Variants in ATP6V1C2 observed in about 807,000 individuals in gnomAD.
ATP6V1C2 encodes the protein V-type proton ATPase subunit C 2.
ATP6V1C2 carries 45 observed loss-of-function variants against 56.8 expected under a neutral mutation model. The ratio of observed to expected loss-of-function variants is 0.79; its 90% CI spans 0.62 to 1.02. ATP6V1C2 has a LOEUF of 1.02. Among genes scored for constraint, ATP6V1C2 ranks in the 50% least tolerant of loss-of-function variants. The probability of loss-of-function intolerance (pLI) is 0.00; values close to 1 mark genes in which losing one functional copy is unlikely to be tolerated. For synonymous variants in ATP6V1C2, 220 were observed against 201.3 expected (o/e 1.09, Z -0.79); for missense variants, 463 against 519.7 (o/e 0.89, Z 1.06).
At chr2:10,768,833 A>G in intron 6 of ATP6V1C2, 23 bp downstream of exon 6, 1 of 1,592,860 alleles carries the variant, frequency 6.3e-7, no homozygotes, top group Non-Finnish European at 8.6e-7. Flanking sequence ...CAGCCTCCAC[A>G]TCTGGCGGGG....
rs191873424 is a variant in ATP6V1C2, at chr2:10,754,161, G to A, written c.283+95G>A. On this transcript the variant is annotated intron_variant, in intron 4 of 13. Coordinates refer to ENST00000272238, the MANE Select transcript of ATP6V1C2 (RefSeq NM_001039362.2). Reference sequence around the variant, plus strand: ...GTGGCCACACAGCAATCACCGAGATGGCCCAGGTCTCAGTGGATGCTCTGG... The same window carrying A: ...GTGGCCACACAGCAATCACCGAGATAGCCCAGGTCTCAGTGGATGCTCTGG... 337 of 1,021,632 alleles carry A rather than the reference G, an allele frequency of 3.3e-4. 1 individual carries two copies. The African/African-American group carries it at 4.2e-3, about 13-fold the overall frequency. The allele number at this position is 1,021,632 out of a possible 1,614,324, so 63.3% of individuals were successfully genotyped here.
rs529705852 is a variant in ATP6V1C2, at chr2:10,749,376, C to T, written c.198-4605C>T. On this transcript the variant is annotated intron_variant, in intron 3 of 13. Transcript: ENST00000272238. ...AATGAACAAGCCAGTAAAAAGCCGG[C>T]AAAATATATGAACATGCTATCCACA... Among the ~76,000 whole-genome samples, 121 of 151,978 alleles carry T rather than the reference C, an allele frequency of 8.0e-4. 1 individual carries two copies. The highest frequency in any genetic ancestry group is 2.8e-3 in the African/African-American group (114 of 41,414).
rs1051125995 is a variant in ATP6V1C2, at chr2:10,784,838, C to T, written c.*1575C>T. Reference sequence around the variant, plus strand: ...CCCACGGGTGCACCAGGGCTGAGGTCTGATGGGAAGGACTTGACTCCAGGT... The same window carrying T: ...CCCACGGGTGCACCAGGGCTGAGGTTTGATGGGAAGGACTTGACTCCAGGT... On this transcript the variant is annotated 3_prime_UTR_variant, in exon 14 of 14. Coordinates refer to ENST00000272238, the MANE Select transcript of ATP6V1C2 (RefSeq NM_001039362.2). 4.5e-6 allele frequency: 4 copies of T among 893,092 alleles called. No individual in the cohort carries two copies. In the African/African-American group the frequency reaches 6.6e-5, roughly 15 times the overall value. 55.3% of individuals were successfully genotyped at this position (893,092 alleles called of 1,614,324 possible). A position where few individuals can be genotyped will look rare whatever the true frequency, so the allele number is the denominator to read the frequency against.
At chr2:10,771,799 G>A (rs1484074698) in intron 6 of ATP6V1C2, 40 bp from the exon 7 acceptor site, 3 of 1,527,052 alleles carry the variant, frequency 2.0e-6, no homozygotes, top group Admixed American at 1.7e-5. Context: ...GTCCCTTTCT[G>A]CTCACATCTT....
intron 2 of ATP6V1C2, among the ~76,000 whole-genome samples, chr2:10,723,576 C>T (rs1208250840): frequency 2.6e-5 from 4 of 151,896 alleles, no homozygotes; most frequent in African/African-American, 9.7e-5. Context: ...CGGTGGCTCA[C>T]GCCTGTAATC....
chr2:10,760,823 C>T (rs1292030056), intron 4 of ATP6V1C2, among the ~76,000 whole-genome samples: 2 of 152,208 alleles, frequency 1.3e-5, no homozygotes, highest in Non-Finnish European at 2.9e-5. Context: ...GGTCTGAATG[C>T]CATGAAGACC....
intron 4 of ATP6V1C2, among the ~76,000 whole-genome samples, chr2:10,758,132 G>A (rs972082646): frequency 6.6e-6 from 1 of 152,096 alleles, no homozygotes; most frequent in African/African-American, 2.4e-5. Flanking sequence ...TGACCAAGCG[G>A]GTCTGATTTC....
chr2:10,775,426 C>T (rs751552146), intron 10 of ATP6V1C2, among the ~76,000 whole-genome samples: 3 of 152,186 alleles, frequency 2.0e-5, no homozygotes, highest in African/African-American at 4.8e-5. Context: ...GAGGACCCTG[C>T]CAGGCCTTCC....
At chr2:10,755,443 A>G (rs1663498010) in intron 4 of ATP6V1C2, among the ~76,000 whole-genome samples, 1 of 152,146 alleles carries the variant, frequency 6.6e-6, no homozygotes, top group Non-Finnish European at 1.5e-5. Flanking sequence ...TGGCCTCCCA[A>G]AGTGCTGGGA....
At chr2:10,779,685 TA>T (rs202060754) in intron 12 of ATP6V1C2, among the ~76,000 whole-genome samples, 6,233 of 87,030 alleles carry the variant, frequency 0.072, 272 homozygotes, top group East Asian at 0.13. Context: ...ACTCCGGCTA[TA>T]GAAAAAAAAA....
intron 3 of ATP6V1C2, among the ~76,000 whole-genome samples, chr2:10,736,954 G>C (rs970589449): frequency 4.0e-5 from 6 of 151,886 alleles, no homozygotes; most frequent in Admixed American, 1.3e-4. Context: ...TCACTATGTT[G>C]CCTAGACTAG....
At chr2:10,736,173 A>G (rs1046301223) in intron 3 of ATP6V1C2, among the ~76,000 whole-genome samples, 3 of 151,776 alleles carry the variant, frequency 2.0e-5, no homozygotes, top group Admixed American at 6.6e-5. Context: ...ACGAGTTCCC[A>G]GGTGATACTG....
In ATP6V1C2 at chr2:10,768,834, TCTGGCGGGGGCAGGTC is replaced by T. The variant is rs753687997; in HGVS notation, c.470+36_470+51del. 3.1e-6 allele frequency: 5 copies of T among 1,593,020 alleles called. No individual in the cohort carries two copies. In the African/African-American group the frequency reaches 5.4e-5, roughly 17 times the overall value. On this transcript the variant is annotated intron_variant, in intron 6 of 13. Coordinates refer to ENST00000272238, the MANE Select transcript of ATP6V1C2 (RefSeq NM_001039362.2). The stretch of plus-strand genomic sequence containing the variant: ...ATGTGTGTATTTGCCAGCCTCCACA[TCTGGCGGGGGCAGGTC>T]CTGGCGGGGGCTTAGCGCTTGCCTG...
At chr2:10,734,787 T>G (rs994708720) in intron 3 of ATP6V1C2, among the ~76,000 whole-genome samples, 1 of 152,224 alleles carries the variant, frequency 6.6e-6, no homozygotes, top group African/African-American at 2.4e-5. Flanking sequence ...GGCCTTTTTC[T>G]CTTCCATTCC....
At chr2:10,739,158 C>T (rs1470193759) in intron 3 of ATP6V1C2, among the ~76,000 whole-genome samples, 1 of 152,138 alleles carries the variant, frequency 6.6e-6, no homozygotes, top group Non-Finnish European at 1.5e-5. Flanking sequence ...TGGCGCATGC[C>T]TGCAATCCCA....
Position 10,763,743 on chromosome 2 carries a change from G to C in ATP6V1C2, c.284-588G>C, listed in dbSNP as rs1664060686. On this transcript the variant is annotated intron_variant, in intron 4 of 13. Coordinates refer to ENST00000272238, the MANE Select transcript of ATP6V1C2 (RefSeq NM_001039362.2). This position sits in a 1 kb window ranked among gnomAD's most constrained non-coding sequence, Gnocchi z 4.2. Reference sequence around the variant, plus strand: ...AGAGTGTGGAGAACTAACCTGAAGAGAGCAGGCAAGGTGCCACTCCGCTGT... The same window carrying C: ...AGAGTGTGGAGAACTAACCTGAAGACAGCAGGCAAGGTGCCACTCCGCTGT... 6.6e-6 allele frequency among the ~76,000 whole-genome samples: 1 copy of C among 152,086 alleles called. No homozygotes were observed. Among genetic ancestry groups the C allele is most frequent in the Non-Finnish European group, 1.5e-5 (1 of 68,016 alleles).
At chr2:10,746,398 C>CTT (rs1205119746) in intron 3 of ATP6V1C2, among the ~76,000 whole-genome samples, 58 of 147,776 alleles carry the variant, frequency 3.9e-4, no homozygotes, top group Non-Finnish European at 7.5e-5. Context: ...CTCTTATTTC[C>CTT]TTTTTTTTTT....
At chr2:10,770,749 G>A (rs371249282) in intron 6 of ATP6V1C2, among the ~76,000 whole-genome samples, 2 of 152,318 alleles carry the variant, frequency 1.3e-5, no homozygotes, top group Non-Finnish European at 2.9e-5. Flanking sequence ...ATAGGAGGGC[G>A]GCGTACAAAG....
intron 3 of ATP6V1C2, among the ~76,000 whole-genome samples, chr2:10,736,820 T>C (rs1283608068): frequency 8.9e-4 from 70 of 78,276 alleles, no homozygotes; most frequent in African/African-American, 2.5e-3. Flanking sequence ...TTTTTTTTTT[T>C]CTGACAAGCT....
Sources: allele counts gnomAD v4.1 joint callset (sites outside exome capture counted in the v4.1 genomes callset), GRCh38; gene constraint gnomAD v4.1.1; non-coding constraint Gnocchi (gnomAD v3.1); transcripts MANE v1.5; gene names NCBI Gene and HGNC (gene_info 2026-07-23, HGNC 2026-07-21).